PRKN: variants seen among roughly 807,000 people sequenced by gnomAD.
PRKN encodes the protein parkin RBR E3 ubiquitin protein ligase.
Under a neutral mutation model 59.5 loss-of-function variants are expected in PRKN, and 56 were observed. That is an observed-to-expected ratio of 0.94 (90% confidence interval 0.76 to 1.18). The LOEUF (loss-of-function observed/expected upper bound fraction) is 1.18, where lower values mean the gene tolerates loss of function less well. Among genes scored for constraint, PRKN ranks in the 50% most tolerant of loss-of-function variants. PRKN has a pLI of 0.00. For synonymous variants in PRKN, 250 were observed against 222.1 expected (o/e 1.13, Z -1.12); for missense variants, 657 against 596.4 (o/e 1.10, Z -1.06).
chr6:162,515,824 GTTC>G (rs775124697), intron 1 of PRKN, among the ~76,000 whole-genome samples: 18 of 152,244 alleles, frequency 1.2e-4, no homozygotes, highest in Non-Finnish European at 2.5e-4. Flanking sequence ...AGAAGACTGA[GTTC>G]TTCTTTCTTC....
chr6:161,976,023 G>C (rs1227142053), intron 5 of PRKN, among the ~76,000 whole-genome samples: 1 of 151,844 alleles, frequency 6.6e-6, no homozygotes, highest in Non-Finnish European at 1.5e-5. Flanking sequence ...CTCCCTCCTT[G>C]GCTTCCCGAG....
intron 7 of PRKN, among the ~76,000 whole-genome samples, chr6:161,732,735 T>G (rs779390502): frequency 2.0e-5 from 3 of 152,210 alleles, no homozygotes; most frequent in Non-Finnish European, 2.9e-5. Flanking sequence ...CTCATTCTTT[T>G]TAATCAGCCA....
chr6:162,328,014 C>T (rs1247579896), intron 2 of PRKN, among the ~76,000 whole-genome samples: 1 of 146,550 alleles, frequency 6.8e-6, no homozygotes, highest in Non-Finnish European at 1.5e-5. Flanking sequence ...GCGACGCTGG[C>T]CACACTGCAA....
At chr6:161,999,440 C>T (rs1339884588) in intron 5 of PRKN, among the ~76,000 whole-genome samples, 3 of 152,066 alleles carry the variant, frequency 2.0e-5, no homozygotes, top group South Asian at 2.1e-4. Flanking sequence ...AAAATAAAAA[C>T]GTGTCTTGTA....
At chr6:162,236,800 A>C (rs1778745777) in intron 3 of PRKN, among the ~76,000 whole-genome samples, 1 of 151,546 alleles carries the variant, frequency 6.6e-6, no homozygotes, top group Non-Finnish European at 1.5e-5. Context: ...ATTTCGAAAA[A>C]AGAAAGAAAG....
chr6:162,234,506 C>T (rs774751055), intron 3 of PRKN, among the ~76,000 whole-genome samples: 7 of 152,162 alleles, frequency 4.6e-5, no homozygotes, highest in Non-Finnish European at 7.4e-5. Flanking sequence ...CCCATGGATA[C>T]GACGGTCTGC....
intron 6 of PRKN, among the ~76,000 whole-genome samples, chr6:161,892,057 T>G (rs1435432655): frequency 6.6e-6 from 1 of 152,180 alleles, no homozygotes; most frequent in Non-Finnish European, 1.5e-5. Context: ...AAGAAGCAAA[T>G]TTTTTGAAGT....
Position 161,417,984 on chromosome 6 carries a change from C to T in PRKN, c.1084-31107G>A, listed in dbSNP as rs1166735508. On this transcript the variant is annotated intron_variant, in intron 9 of 11. Coordinates refer to ENST00000366898, the MANE Select transcript of PRKN (RefSeq NM_004562.3). This position sits in a 1 kb window ranked among gnomAD's most constrained non-coding sequence, Gnocchi z 5.4. ...TTCCCACGCTCCCTCCTGGGCCTGG[C>T]CCCCAGGCCTGGCTGACTCCATGGG... Among the ~76,000 whole-genome samples the T allele has an allele frequency of 1.3e-5, 2 of 152,188 alleles. No homozygotes were observed. Among genetic ancestry groups the T allele is most frequent in the South Asian group, 2.1e-4 (1 of 4,834 alleles).
Position 161,466,871 on chromosome 6 carries a change from G to A in PRKN, c.1084-79994C>T, listed in dbSNP as rs1009210396. 6.6e-6 allele frequency among the ~76,000 whole-genome samples: 1 copy of A among 152,196 alleles called. No individual in the cohort carries two copies. Among genetic ancestry groups the A allele is most frequent in the African/African-American group, 2.4e-5 (1 of 41,456 alleles). On this transcript the variant is annotated intron_variant, in intron 9 of 11. Coordinates refer to ENST00000366898, the MANE Select transcript of PRKN (RefSeq NM_004562.3). This position sits in a 1 kb window ranked among gnomAD's most constrained non-coding sequence, Gnocchi z 5.0. ...GGCATACAAGCTTTTTCCTTTCTGG[G>A]ACAGTCACACGAAGTTAGTTAATGA... is the stretch of plus-strand genomic sequence containing the variant.
intron 4 of PRKN, among the ~76,000 whole-genome samples, chr6:162,060,290 G>T (rs1778045776): frequency 6.6e-6 from 1 of 152,178 alleles, no homozygotes; most frequent in African/African-American, 2.4e-5. Context: ...AGAAGACGGT[G>T]ATAGAGAAGC....
At chr6:161,382,111 CAA>C (rs59174358) in intron 10 of PRKN, among the ~76,000 whole-genome samples, 83 of 46,270 alleles carry the variant, frequency 1.8e-3, no homozygotes, top group African/African-American at 4.8e-3. Context: ...GACTCCATCT[CAA>C]AAAAAAAAAA....
chr6:162,658,232 T>C (rs1283900862), intron 1 of PRKN, among the ~76,000 whole-genome samples: 2 of 152,244 alleles, frequency 1.3e-5, no homozygotes, highest in Non-Finnish European at 2.9e-5. Context: ...ATCATATCTA[T>C]TCAACTTTCT....
At chr6:162,713,586 A>C (rs2128239152) in intron 1 of PRKN, among the ~76,000 whole-genome samples, 1 of 152,142 alleles carries the variant, frequency 6.6e-6, no homozygotes, top group Admixed American at 6.5e-5. Context: ...AAAAGTGTTA[A>C]GAAATATCAT....
chr6:162,629,986 C>G (rs1407500402), intron 1 of PRKN, among the ~76,000 whole-genome samples: 1 of 152,112 alleles, frequency 6.6e-6, no homozygotes, highest in African/African-American at 2.4e-5. Flanking sequence ...GGATAAACTA[C>G]CTAGCTGCAG....
At chr6:162,058,839 C>T (rs1777973690) in intron 4 of PRKN, among the ~76,000 whole-genome samples, 1 of 151,696 alleles carries the variant, frequency 6.6e-6, no homozygotes, top group African/African-American at 2.4e-5. Context: ...GTAATCTCAG[C>T]TACTTGGGAG....
chr6:161,550,222 G>A lies in PRKN; in HGVS notation c.934-1219C>T, dbSNP rs1309616118. ...GGGCGGAGGCAGAGAGAACAAGGAG[G>A]GAAAAAAACAGAAGGTGAAGTTGGA... On this transcript the variant is annotated intron_variant, in intron 8 of 11. Transcript: ENST00000366898. This position sits in a 1 kb window ranked among gnomAD's most constrained non-coding sequence, Gnocchi z 4.0. Among the ~76,000 whole-genome samples the A allele has an allele frequency of 6.6e-6, 1 of 151,988 alleles. No homozygotes were observed. The highest frequency in any genetic ancestry group is 2.4e-5 in the African/African-American group (1 of 41,386).
At chr6:162,612,482 C>T (rs1016836437) in intron 1 of PRKN, among the ~76,000 whole-genome samples, 5 of 150,478 alleles carry the variant, frequency 3.3e-5, no homozygotes, top group African/African-American at 4.9e-5. Flanking sequence ...AGATTTCTCT[C>T]GACAAGTTAA....
intron 7 of PRKN, among the ~76,000 whole-genome samples, chr6:161,678,705 C>A (rs1478759542): frequency 2.0e-5 from 3 of 151,450 alleles, no homozygotes; most frequent in African/African-American, 7.3e-5. Context: ...GCTGGGGTTA[C>A]AGGTGTGCAC....
At chr6:162,613,912 T>A (rs772175809) in intron 1 of PRKN, among the ~76,000 whole-genome samples, 2 of 152,070 alleles carry the variant, frequency 1.3e-5, no homozygotes, top group Non-Finnish European at 2.9e-5. Context: ...AAGGTCAAGA[T>A]CTTAAAAGAA....
Sources: gnomAD v4.1 joint callset for allele counts (sites outside exome capture counted in the v4.1 genomes callset) on GRCh38, gnomAD v4.1.1 for gene constraint, Gnocchi (gnomAD v3.1) non-coding constraint, MANE v1.5 for transcripts, NCBI Gene and HGNC (gene_info 2026-07-23, HGNC 2026-07-21) for gene names.